HDAC4: variants seen among roughly 807,000 people sequenced by gnomAD.
HDAC4 encodes the protein histone deacetylase 4.
Under a neutral mutation model 135.1 loss-of-function variants are expected in HDAC4, and 16 were observed. The ratio of observed to expected loss-of-function variants is 0.12; its 90% CI spans 0.08 to 0.18. The LOEUF is 0.18. Ranked by LOEUF, HDAC4 falls within the 10% of genes least tolerant of loss-of-function variation. HDAC4 has a pLI of 1.00. For missense variants in HDAC4, 1,143 were observed against 1,511.8 expected (o/e 0.76, Z 4.05); for synonymous variants, 685 against 653.4 (o/e 1.05, Z -0.74).
intron 2 of HDAC4, among the ~76,000 whole-genome samples, chr2:239,341,885 C>CT (rs1692320049): frequency 1.3e-5 from 2 of 152,146 alleles, no homozygotes; most frequent in Admixed American, 1.3e-4. Context: ...AGTGGGGCCT[C>CT]TGGAGAGTGA....
At chr2:239,346,138 C>T (rs1692643679) in intron 2 of HDAC4, among the ~76,000 whole-genome samples, 1 of 150,266 alleles carries the variant, frequency 6.7e-6, no homozygotes, top group African/African-American at 2.5e-5. Context: ...ACACCCCCAT[C>T]TCACACATGC....
At chr2:239,176,602 G>T (rs1437574244) in intron 4 of HDAC4, 39 bp from the exon 5 acceptor site, 2 of 1,589,778 alleles carry the variant, frequency 1.3e-6, no homozygotes, top group African/African-American at 2.7e-5. Context: ...CAGAGCCCAG[G>T]CTCCACACAC....
At chr2:239,117,066 T>C (rs1488509388) in intron 12 of HDAC4, among the ~76,000 whole-genome samples, 1 of 152,160 alleles carries the variant, frequency 6.6e-6, no homozygotes, top group Non-Finnish European at 1.5e-5. Flanking sequence ...CATCGCACAT[T>C]CACTAAAAGG....
chr2:239,086,342 C>T (rs2035947141), intron 19 of HDAC4, among the ~76,000 whole-genome samples: 2 of 145,314 alleles, frequency 1.4e-5, no homozygotes, highest in Admixed American at 7.3e-5. Context: ...CTATCTCGCA[C>T]GTACAGTCTC....
chr2:239,386,993 C>T (rs907779253), intron 1 of HDAC4, among the ~76,000 whole-genome samples: 4 of 152,258 alleles, frequency 2.6e-5, no homozygotes, highest in African/African-American at 7.2e-5. Flanking sequence ...AGCCAGACTG[C>T]ACACGACTCC....
chr2:239,200,167 C>G (rs534360018), intron 3 of HDAC4, among the ~76,000 whole-genome samples: 1 of 152,174 alleles, frequency 6.6e-6, no homozygotes, highest in South Asian at 2.1e-4. Context: ...TCTTTACTGG[C>G]GTTTTTGTGA....
chr2:239,090,144 T>A, intron 17 of HDAC4, 28 bp from the exon 18 acceptor site: 2 of 1,527,586 alleles, frequency 1.3e-6, no homozygotes, highest in Non-Finnish European at 1.8e-6. Context: ...CACAGTGAGG[T>A]CACCCTCCCA....
chr2:239,384,257 A>T (rs1695629213), intron 1 of HDAC4, among the ~76,000 whole-genome samples: 1 of 152,176 alleles, frequency 6.6e-6, no homozygotes, highest in Non-Finnish European at 1.5e-5. Flanking sequence ...TGATCTCCCT[A>T]AAGCCACATT....
intron 3 of HDAC4, among the ~76,000 whole-genome samples, chr2:239,193,743 A>T (rs1227008342): frequency 6.6e-6 from 1 of 152,240 alleles, no homozygotes; most frequent in East Asian, 1.9e-4. Context: ...AAAGTGGGGA[A>T]GGCGGGGCAG....
intron 2 of HDAC4, among the ~76,000 whole-genome samples, chr2:239,337,709 C>A (rs938880834): frequency 6.6e-6 from 1 of 152,148 alleles, no homozygotes; most frequent in South Asian, 2.1e-4. Flanking sequence ...CATACGGCGA[C>A]GGGGGAGACA....
chr2:239,136,267 C>T (rs2040949444), intron 9 of HDAC4, among the ~76,000 whole-genome samples: 1 of 152,128 alleles, frequency 6.6e-6, no homozygotes, highest in Non-Finnish European at 1.5e-5. Flanking sequence ...TTTTTAGCTC[C>T]CCCAGATGAA....
Position 239,167,452 on chromosome 2 carries a change from C to T in HDAC4, c.491-3529G>A, listed in dbSNP as rs1356031405. On this transcript the variant is annotated intron_variant, in intron 5 of 26. Coordinates refer to ENST00000543185, the MANE Select transcript of HDAC4 (RefSeq NM_001378414.1). This position sits in a 1 kb window ranked among gnomAD's most constrained non-coding sequence, Gnocchi z 4.1. ...GGGGCAGACATGACTGGGGTTCACA[C>T]CCCACCCATGCCCAGCATAGGCCTG... 6.6e-6 allele frequency among the ~76,000 whole-genome samples: 1 copy of T among 152,174 alleles called. No individual in the cohort carries two copies. The highest frequency in any genetic ancestry group is 2.4e-5 in the African/African-American group (1 of 41,436).
chr2:239,177,775 T>C (rs564191361), intron 4 of HDAC4, among the ~76,000 whole-genome samples: 77 of 152,296 alleles, frequency 5.1e-4, no homozygotes, highest in Admixed American at 3.7e-3. Context: ...CACTAAAACG[T>C]TGGGCAGAAA....
At chr2:239,312,191 T>A (rs2052913325) in intron 2 of HDAC4, among the ~76,000 whole-genome samples, 1 of 152,164 alleles carries the variant, frequency 6.6e-6, no homozygotes, top group Non-Finnish European at 1.5e-5. Flanking sequence ...GGGGCACCCC[T>A]GGGCAGGGCA....
At chr2:239,087,202 A>ACC (rs1181703704) in intron 19 of HDAC4, among the ~76,000 whole-genome samples, 1 of 152,160 alleles carries the variant, frequency 6.6e-6, no homozygotes, top group African/African-American at 2.4e-5. Context: ...GCGCAAAATG[A>ACC]CCTGAGTCCT....
In HDAC4 at chr2:239,048,727, A is replaced by G. The variant is rs2030357416; in HGVS notation, c.*4370T>C. On this transcript the variant is annotated 3_prime_UTR_variant, in exon 27 of 27. Transcript: ENST00000543185. ...CAGACTTTTAATCAATGCCAGAGAC[A>G]AAGTGAGGCCGAGCTAAGAACACGC... The G allele has an allele frequency of 6.6e-6, 1 of 152,278 alleles. No homozygotes were observed. Among genetic ancestry groups the G allele is most frequent in the Non-Finnish European group, 1.5e-5 (1 of 68,040 alleles). The allele number at this position is 152,278 out of a possible 1,614,324, so 9.4% of individuals were successfully genotyped here. A position where few individuals can be genotyped will look rare whatever the true frequency, so the allele number is the denominator to read the frequency against.
Position 239,287,006 on chromosome 2 carries a change from G to A in HDAC4, c.23-50342C>T, listed in dbSNP as rs527544682. Among the ~76,000 whole-genome samples the A allele has an allele frequency of 2.0e-5, 3 of 152,316 alleles. No homozygotes were observed. In the South Asian group the frequency reaches 6.2e-4, roughly 32 times the overall value. ...TGACCCCAGCAGGAGAGTGTCTGATGCAAGCAGGAAGGACAAGTGCACAGG... is the reference window on the plus strand; with the variant it reads ...TGACCCCAGCAGGAGAGTGTCTGATACAAGCAGGAAGGACAAGTGCACAGG... On this transcript the variant is annotated intron_variant, in intron 2 of 26. Coordinates refer to ENST00000543185, the MANE Select transcript of HDAC4 (RefSeq NM_001378414.1).
intron 11 of HDAC4, among the ~76,000 whole-genome samples, chr2:239,133,681 G>A (rs2040751566): frequency 6.6e-6 from 1 of 152,262 alleles, no homozygotes; most frequent in Admixed American, 6.5e-5. Context: ...TAGTCAGGCT[G>A]GTCTTGAACT....
In HDAC4 at chr2:239,256,639, C is replaced by T. The variant is rs755055707; in HGVS notation, c.23-19975G>A. Among the ~76,000 whole-genome samples the T allele has an allele frequency of 1.4e-3, 219 of 152,358 alleles. 3 individuals are homozygous for T. The highest frequency in any genetic ancestry group is 1.4e-3 in the Non-Finnish European group (93 of 68,026). ...TGTCTGCCCCTAAGAGGGGCATACC[C>T]TTGTCTGTTTTTGTGTCCATGACCC... On this transcript the variant is annotated intron_variant, in intron 2 of 26. Transcript: ENST00000543185.
Sources: allele counts gnomAD v4.1 joint callset (sites outside exome capture counted in the v4.1 genomes callset), GRCh38; gene constraint gnomAD v4.1.1; non-coding constraint Gnocchi (gnomAD v3.1); transcripts MANE v1.5; gene names NCBI Gene and HGNC (gene_info 2026-07-23, HGNC 2026-07-21).